The following COL5A1 variants were observed in gnomAD, a reference collection of about 807,000 sequenced individuals.
The protein encoded by COL5A1 is collagen type V alpha 1 chain, also known as collagen alpha-1(V) chain.
A neutral mutation model predicts 263.7 loss-of-function variants in COL5A1; 16 were observed. The observed-to-expected ratio is 0.06, with a 90% CI of 0.04 to 0.09. COL5A1 has a LOEUF of 0.09. Ranked by LOEUF, COL5A1 falls within the 10% of genes least tolerant of loss-of-function variation. The pLI is 1.00. For synonymous variants in COL5A1, 1,012 were observed against 1,004.5 expected (o/e 1.01, Z -0.14); for missense variants, 2,036 against 2,540.5 (o/e 0.80, Z 4.27).
In COL5A1 at chr9:134,700,236, C is replaced by A; in HGVS notation, c.491+114C>A. On this transcript the variant is annotated intron_variant, in intron 3 of 65. Coordinates refer to ENST00000371817, the MANE Select transcript of COL5A1 (RefSeq NM_000093.5). This position sits in a 1 kb window ranked among gnomAD's most constrained non-coding sequence, Gnocchi z 4.0. ...GGACGTGCAGCAGCCGGTACTGAGACTCCCACAGACGCCGCAGCAGAGGAG... is the reference window on the plus strand; with the variant it reads ...GGACGTGCAGCAGCCGGTACTGAGAATCCCACAGACGCCGCAGCAGAGGAG... 1 of 974,726 alleles carries A rather than the reference C, an allele frequency of 1.0e-6. No individual in the cohort carries two copies. The highest frequency in any genetic ancestry group is 1.5e-6 in the Non-Finnish European group (1 of 648,484). The allele number at this position is 974,726 out of a possible 1,614,324, so 60.4% of individuals were successfully genotyped here.
rs1369902409 is a variant in COL5A1, at chr9:134,765,660, A to G, written c.2035-21A>G. The G allele has an allele frequency of 6.2e-7, 1 of 1,611,408 alleles. No individual in the cohort carries two copies. Among genetic ancestry groups the G allele is most frequent in the South Asian group, 1.1e-5 (1 of 90,958 alleles). Reference sequence around the variant, plus strand: ...GGATTTCTGCCCGAGTTTAAATCCTATTTTCCCTTTCCTCTTACAGGGGCC... The same window carrying G: ...GGATTTCTGCCCGAGTTTAAATCCTGTTTTCCCTTTCCTCTTACAGGGGCC... On this transcript the variant is annotated intron_variant, in intron 20 of 65. Transcript: ENST00000371817. The surrounding 1 kb of genome is among the most constrained non-coding windows in gnomAD (Gnocchi z 5.1).
chr9:134,791,613 C>G (rs991841097), intron 32 of COL5A1, among the ~76,000 whole-genome samples: 1 of 151,762 alleles, frequency 6.6e-6, no homozygotes, highest in African/African-American at 2.4e-5. Flanking sequence ...GCAAAGGGAC[C>G]CTTCCTCTTT....
At position 134,753,802 on chromosome 9, in the gene COL5A1, T is replaced by C. The variant is rs10123014; in HGVS notation, c.1720-48T>C. The C allele has an allele frequency of 0.29, 375,445 of 1,307,150 alleles. 54,072 individuals are homozygous for C. The highest frequency in any genetic ancestry group is 0.38 in the East Asian group (15,207 of 39,930). The allele number at this position is 1,307,150 out of a possible 1,614,324, so 81.0% of individuals were successfully genotyped here. A position where few individuals can be genotyped will look rare whatever the true frequency, so the allele number is the denominator to read the frequency against. ...GCCACCCCCAGCCCTTCCTGTGTTC[T>C]CGAGTCCCCACCTCGAGCAGACATT... On this transcript the variant is annotated intron_variant, in intron 14 of 65. Coordinates refer to ENST00000371817, the MANE Select transcript of COL5A1 (RefSeq NM_000093.5).
intron 4 of COL5A1, chr9:134,708,426 G>GGT (rs1833919317): frequency 2.4e-6 from 1 of 408,728 alleles, no homozygotes; most frequent in African/African-American, 2.1e-5. Flanking sequence ...TCCCGGGGTG[G>GGT]GGGCTCTGGT....
In COL5A1 at chr9:134,691,079, G is replaced by A. The variant is rs1833262653; in HGVS notation, c.277G>A (p.Ala93Thr). 1.2e-6 allele frequency: 2 copies of A among 1,612,904 alleles called. No homozygotes were observed. The highest frequency in any genetic ancestry group is 1.7e-6 in the Non-Finnish European group (2 of 1,180,048). Residue 93 changes from alanine to threonine, a missense_variant and splice_region_variant, in exon 2 of 66, where the codon GCG (alanine) becomes ACG (threonine). Physicochemically the swap from Ala to Thr is moderately conservative, Grantham distance 58 (BLOSUM62 0). Transcript: ENST00000371817. ...CGCACCCACCAAGCAGCTGTACCCT[G>A]GTAAGTGCCGCACCCTTCTGTTTGG... ...LSAPTKQLYP[A>T]SAFPEDFSIL...
At chr9:134,704,590 C>T (rs1285409936) in intron 4 of COL5A1, among the ~76,000 whole-genome samples, 2 of 152,044 alleles carry the variant, frequency 1.3e-5, no homozygotes, top group Admixed American at 6.5e-5. Context: ...TTTTTCCTGT[C>T]GTGGAATTCG....
chr9:134,705,600 A>G (rs554637963), intron 4 of COL5A1, among the ~76,000 whole-genome samples: 1 of 152,334 alleles, frequency 6.6e-6, no homozygotes, highest in South Asian at 2.1e-4. Flanking sequence ...GATAGGGCCA[A>G]CGCTGTCGGA....
In COL5A1 at chr9:134,820,919, G is replaced by A. The variant is rs188411848; in HGVS notation, c.4554+696G>A. ...CGGACACACACACGCACAGTATGCTGTGCCCACCCACGCCCATGCCTCATA... is the reference window on the plus strand; with the variant it reads ...CGGACACACACACGCACAGTATGCTATGCCCACCCACGCCCATGCCTCATA... On this transcript the variant is annotated intron_variant, in intron 58 of 65. Transcript: ENST00000371817. Among the ~76,000 whole-genome samples the A allele has an allele frequency of 9.9e-5, 15 of 152,242 alleles. No homozygotes were observed. The East Asian group carries it at 2.9e-3, about 30-fold the overall frequency.
chr9:134,775,553 A>G (rs972631340), intron 27 of COL5A1, among the ~76,000 whole-genome samples: 2 of 152,184 alleles, frequency 1.3e-5, no homozygotes, highest in African/African-American at 4.8e-5. Context: ...AGCCCAGCTA[A>G]CTGTGTTTGC....
At chr9:134,827,015 G>A (rs971798416) in intron 63 of COL5A1, among the ~76,000 whole-genome samples, 2 of 152,192 alleles carry the variant, frequency 1.3e-5, no homozygotes, top group Non-Finnish European at 2.9e-5. Flanking sequence ...CAAGCCTGCA[G>A]CTCTCGTGCC....
intron 11 of COL5A1, among the ~76,000 whole-genome samples, chr9:134,748,157 T>C: frequency 6.8e-6 from 1 of 147,590 alleles, no homozygotes; most frequent in Non-Finnish European, 1.5e-5. Context: ...ATTCACACAT[T>C]CCACACGTGC....
At chr9:134,823,320 C>G (rs1260621561) in intron 60 of COL5A1, 96 bp from the exon 61 acceptor site, 1 of 1,373,962 alleles carries the variant, frequency 7.3e-7, no homozygotes, top group South Asian at 1.2e-5. Flanking sequence ...CCACCTCCCC[C>G]ACATAGGTCT....
At position 134,768,583 on chromosome 9, in the gene COL5A1, T is replaced by C. The variant is rs1836763248; in HGVS notation, c.2286+120T>C. On this transcript the variant is annotated intron_variant, in intron 25 of 65. Coordinates refer to ENST00000371817, the MANE Select transcript of COL5A1 (RefSeq NM_000093.5). Reference sequence around the variant, plus strand: ...ACGGCATTGACTCATTCTGGCTCTGTTGATGAAGACCCGTTTGGTCTCCAG... The same window carrying C: ...ACGGCATTGACTCATTCTGGCTCTGCTGATGAAGACCCGTTTGGTCTCCAG... 5 of 1,029,938 alleles carry C rather than the reference T, an allele frequency of 4.9e-6. No individual in the cohort carries two copies. The East Asian group carries it at 9.7e-5, about 20-fold the overall frequency. The allele number at this position is 1,029,938 out of a possible 1,614,324, so 63.8% of individuals were successfully genotyped here.
Position 134,666,835 on chromosome 9 carries a change from T to A in COL5A1, c.110-24077T>A, listed in dbSNP as rs142012873. ...CTCTTTGGGACTCAGTTTCTTCACC[T>A]GTGCGATAGGGTAAAACATTTTGGT... On this transcript the variant is annotated intron_variant, in intron 1 of 65. Coordinates refer to ENST00000371817, the MANE Select transcript of COL5A1 (RefSeq NM_000093.5). Among the ~76,000 whole-genome samples, 3 of 152,324 alleles carry A rather than the reference T, an allele frequency of 2.0e-5. No homozygotes were observed. In the East Asian group the frequency reaches 5.8e-4, roughly 29 times the overall value.
chr9:134,728,605 A>G lies in COL5A1; in HGVS notation c.787-65A>G. On this transcript the variant is annotated intron_variant, in intron 5 of 65. Transcript: ENST00000371817. ...TGCAGATCTGGAGGTTGCGGAAGGA[A>G]GGACAGCAGGCTGGTCGCTCTGCGG... 10 of 1,610,132 alleles carry G rather than the reference A, an allele frequency of 6.2e-6. No individual in the cohort carries two copies. The South Asian group carries it at 1.1e-4, about 18-fold the overall frequency.
chr9:134,681,174 G>A lies in COL5A1; in HGVS notation c.110-9738G>A, dbSNP rs183856083. Among the ~76,000 whole-genome samples, 36 of 152,234 alleles carry A rather than the reference G, an allele frequency of 2.4e-4. No individual in the cohort carries two copies. In the East Asian group the frequency reaches 5.2e-3, roughly 22 times the overall value. Reference sequence around the variant, plus strand: ...CCTGCCTTGCAGGGAGGGCTGGGGTGGGGGGGCCTCAGCCCTGGGCCAGAC... The same window carrying A: ...CCTGCCTTGCAGGGAGGGCTGGGGTAGGGGGGCCTCAGCCCTGGGCCAGAC... On this transcript the variant is annotated intron_variant, in intron 1 of 65. Coordinates refer to ENST00000371817, the MANE Select transcript of COL5A1 (RefSeq NM_000093.5). The surrounding 1 kb of genome is among the most constrained non-coding windows in gnomAD (Gnocchi z 4.3).
At chr9:134,667,265 C>G (rs553689385) in intron 1 of COL5A1, among the ~76,000 whole-genome samples, 2 of 152,314 alleles carry the variant, frequency 1.3e-5, no homozygotes, top group African/African-American at 4.8e-5. Context: ...AGCATCCTGG[C>G]CATGCATGGC....
chr9:134,649,176 G>T (rs1831582421), intron 1 of COL5A1, among the ~76,000 whole-genome samples: 3 of 152,168 alleles, frequency 2.0e-5, no homozygotes. Flanking sequence ...ACCGTGGAAT[G>T]AATGAATTGG....
chr9:134,761,167 C>T (rs1468809497), intron 18 of COL5A1, among the ~76,000 whole-genome samples: 1 of 142,126 alleles, frequency 7.0e-6, no homozygotes, highest in African/African-American at 2.8e-5. Flanking sequence ...CGCATACACA[C>T]CTATACACAC....
Sources: gnomAD v4.1 joint callset for allele counts (sites outside exome capture counted in the v4.1 genomes callset) on GRCh38, gnomAD v4.1.1 for gene constraint, Gnocchi (gnomAD v3.1) non-coding constraint, MANE v1.5 for transcripts, NCBI Gene and HGNC (gene_info 2026-07-23, HGNC 2026-07-21) for gene names.